Variants in PHF19 observed in about 807,000 individuals in gnomAD.
The protein encoded by PHF19 is polycomb like 3.
A neutral mutation model predicts 79.8 loss-of-function variants in PHF19; 21 were observed. The observed-to-expected ratio is 0.26, with a 90% CI of 0.19 to 0.38. The LOEUF is 0.38. Among genes scored for constraint, PHF19 ranks in the 10% least tolerant of loss-of-function variants. The pLI is 1.00. For missense variants in PHF19, 445 were observed against 744.2 expected, an observed-to-expected ratio of 0.60 and a Z score of 4.68; for synonymous variants, 273 against 296.3, an observed-to-expected ratio of 0.92 and a Z score of 0.81.
upstream of PHF19, among the ~76,000 whole-genome samples, chr9:120,896,618 A>AT (rs1485520943): frequency 5.3e-5 from 8 of 150,588 alleles, no homozygotes; most frequent in South Asian, 2.1e-4. Flanking sequence ...CGCCCGGCTA[A>AT]TTTTTTTTGT....
Position 120,865,709 on chromosome 9 carries a change from C to T in PHF19, c.900+1G>A. Reference sequence around the variant, plus strand: ...CACTGACATCCCACAACCCCACATACCTTGCCAAGCTGCAGGAGCTCCCAG... The same window carrying T: ...CACTGACATCCCACAACCCCACATATCTTGCCAAGCTGCAGGAGCTCCCAG... On this transcript the variant is annotated splice_donor_variant, in intron 9 of 14. Transcript: ENST00000373896. LOFTEE classifies it high-confidence loss of function. 6.2e-7 allele frequency: 1 copy of T among 1,614,182 alleles called. No individual in the cohort carries two copies. Among genetic ancestry groups the T allele is most frequent in the Non-Finnish European group, 8.5e-7 (1 of 1,180,008 alleles).
rs766343045 is a variant in PHF19, at chr9:120,870,411, G to A, written c.364+32C>T. 1.4e-6 allele frequency: 2 copies of A among 1,383,190 alleles called. No homozygotes were observed. The highest frequency in any genetic ancestry group is 3.4e-5 in the Admixed American group (2 of 59,546). The allele number at this position is 1,383,190 out of a possible 1,614,324, so 85.7% of individuals were successfully genotyped here. ...CAGTGCGTGGGGACCTATAGGTCGG[G>A]GCCTTCTCAGGGCCCTGCTCGCTCC... is the stretch of plus-strand genomic sequence containing the variant. On this transcript the variant is annotated intron_variant, in intron 4 of 14. Transcript: ENST00000373896. The surrounding 1 kb of genome is among the most constrained non-coding windows in gnomAD (Gnocchi z 4.4).
intron 1 of PHF19, among the ~76,000 whole-genome samples, chr9:120,885,157 G>A (rs865880869): frequency 1.8e-4 from 27 of 152,208 alleles, no homozygotes; most frequent in South Asian, 2.1e-4. Flanking sequence ...GTTCGAGGAT[G>A]CAGTAAGCTA....
intron 1 of PHF19, among the ~76,000 whole-genome samples, chr9:120,883,917 G>A (rs1021173571): frequency 3.3e-5 from 5 of 152,194 alleles, no homozygotes; most frequent in African/African-American, 7.2e-5. Flanking sequence ...AGTTGCCTCT[G>A]ATGGCAAAAT....
At chr9:120,883,779 A>C (rs1554821589) in intron 1 of PHF19, among the ~76,000 whole-genome samples, 2 of 109,198 alleles carry the variant, frequency 1.8e-5, no homozygotes. Context: ...AAAAAAAAAA[A>C]AATAGAAGCT....
In PHF19 at chr9:120,870,494, T is replaced by C. The variant is rs766255505; in HGVS notation, c.313A>G (p.Lys105Glu). ...EEPKCNICLG[K>E]TSGPLNEILI... is the part of the protein sequence containing the mutation. ...ATCTCATTCAGCGGCCCTGATGTCT[T>C]CCCTAGGCAGATGTTGCACTTGGGC... Residue 105 changes from lysine to glutamate, a missense_variant, in exon 4 of 15, where the codon AAG becomes GAG. Physicochemically the swap from Lys to Glu is moderately conservative, Grantham distance 56 (BLOSUM62 1). Around this residue, in one of 5 missense-constraint regions of PHF19, gnomAD observed 167 missense variants for 375.8 expected, o/e 0.44. Transcript: ENST00000373896. This position sits in a 1 kb window ranked among gnomAD's most constrained non-coding sequence, Gnocchi z 4.4. 8.7e-6 allele frequency: 14 copies of C among 1,613,522 alleles called. No individual in the cohort carries two copies. The highest frequency in any genetic ancestry group is 1.2e-5 in the Non-Finnish European group (14 of 1,179,534).
intron 3 of PHF19, among the ~76,000 whole-genome samples, chr9:120,871,879 A>G (rs1339233089): frequency 6.6e-6 from 1 of 151,802 alleles, no homozygotes; most frequent in Non-Finnish European, 1.5e-5. Flanking sequence ...CTCTACTAAA[A>G]ATACAAAAAT....
At chr9:120,879,453 G>A (rs1475911978), upstream of PHF19, among the ~76,000 whole-genome samples, 2 of 152,154 alleles carry the variant, frequency 1.3e-5, no homozygotes, top group Non-Finnish European at 1.5e-5. Context: ...GAGCCAGGGC[G>A]GGGTCTTGGG....
Position 120,869,805 on chromosome 9 carries a change from A to C in PHF19, c.465+40T>G, listed in dbSNP as rs1354821772. 1.2e-6 allele frequency: 2 copies of C among 1,611,996 alleles called. No homozygotes were observed. Among genetic ancestry groups the C allele is most frequent in the East Asian group, 2.2e-5 (1 of 44,822 alleles). On this transcript the variant is annotated intron_variant, in intron 5 of 14. Coordinates refer to ENST00000373896, the MANE Select transcript of PHF19 (RefSeq NM_015651.3). The surrounding 1 kb of genome is among the most constrained non-coding windows in gnomAD (Gnocchi z 5.8). ...AGTCTCTGGTCTGCCCCACTGGAGG[A>C]GGCAGGAGAGGCAGGGACTGGGGAG...
upstream of PHF19, chr9:120,877,192 C>A (rs1280280325): frequency 3.1e-6 from 3 of 980,212 alleles, no homozygotes; most frequent in African/African-American, 5.3e-5. Flanking sequence ...GCCGAGTGTC[C>A]GCCCGTGGGG....
upstream of PHF19, among the ~76,000 whole-genome samples, chr9:120,897,575 C>T (rs2046412551): frequency 6.6e-6 from 1 of 152,008 alleles, no homozygotes; most frequent in Non-Finnish European, 1.5e-5. Flanking sequence ...TTTCTAGTAG[C>T]CATATTAGAA....
chr9:120,885,423 C>T (rs1403356425), intron 1 of PHF19, among the ~76,000 whole-genome samples: 2 of 151,928 alleles, frequency 1.3e-5, no homozygotes, highest in Non-Finnish European at 2.9e-5. Context: ...ACTAAAAGTA[C>T]AAAAATGAGC....
intron 6 of PHF19, among the ~76,000 whole-genome samples, chr9:120,868,095 G>T (rs1230024537): frequency 6.6e-6 from 1 of 151,964 alleles, no homozygotes; most frequent in Admixed American, 6.6e-5. Flanking sequence ...TGGAGACAGG[G>T]TCGTCCTGCT....
At chr9:120,888,395 C>G (rs2131594298) in intron 1 of PHF19, among the ~76,000 whole-genome samples, 1 of 152,340 alleles carries the variant, frequency 6.6e-6, no homozygotes, top group Non-Finnish European at 1.5e-5. Context: ...GAACCCAGCA[C>G]TGAGCCGTGA....
chr9:120,890,773 C>G (rs2131597659), intron 1 of PHF19, among the ~76,000 whole-genome samples: 1 of 152,230 alleles, frequency 6.6e-6, no homozygotes, highest in South Asian at 2.1e-4. Context: ...CTCCAGGAAG[C>G]CCTCCTTGGT....
At chr9:120,890,661 G>A (rs984324713) in intron 1 of PHF19, among the ~76,000 whole-genome samples, 1 of 152,108 alleles carries the variant, frequency 6.6e-6, no homozygotes, top group Admixed American at 6.5e-5. Flanking sequence ...TGATTTCAAA[G>A]GGCATGGGGG....
At chr9:120,858,861 G>A (rs1174474203) in intron 14 of PHF19, among the ~76,000 whole-genome samples, 1 of 113,746 alleles carries the variant, frequency 8.8e-6, no homozygotes, top group African/African-American at 3.0e-5. Context: ...ACACACACGG[G>A]TGTTAGAGAA....
In PHF19 at chr9:120,858,195, A is replaced by T; in HGVS notation, c.1492T>A (p.Cys498Ser). 6.3e-7 allele frequency: 1 copy of T among 1,598,752 alleles called. No individual in the cohort carries two copies. The highest frequency in any genetic ancestry group is 1.1e-5 in the South Asian group (1 of 90,236). ...CCCTCTGCACTGCTGTCCGAGGGGC[A>T]GCGTCCATCCAGCTCAGCTGCCCAC... Reference protein sequence around the residue: ...KRWAAELDGRCPSDSSAEGAS... With the variant: ...KRWAAELDGRSPSDSSAEGAS... The change falls in exon 15 of 15, where the codon TGC becomes AGC. Residue 498 changes from cysteine to serine, a missense_variant. By Grantham distance (112) the Cys-to-Ser change is moderately radical. Coordinates refer to ENST00000373896, the MANE Select transcript of PHF19 (RefSeq NM_015651.3).
chr9:120,865,937 A>C (rs1416507748), intron 8 of PHF19, 91 bp downstream of exon 8: 1 of 1,585,328 alleles, frequency 6.3e-7, no homozygotes, highest in Non-Finnish European at 8.7e-7. Flanking sequence ...GTTGGGACCC[A>C]GTAGCTGGAA....
Sources: gnomAD v4.1 joint callset for allele counts (sites outside exome capture counted in the v4.1 genomes callset) on GRCh38, gnomAD v4.1.1 for gene constraint, gnomAD v4.1.1 regional missense constraint, Gnocchi (gnomAD v3.1) non-coding constraint, MANE v1.5 for transcripts, NCBI Gene and HGNC (gene_info 2026-07-23, HGNC 2026-07-21) for gene names.